The following ATF3 variants were observed in gnomAD, a reference collection of about 807,000 sequenced individuals.
ATF3 encodes the protein cyclic AMP-dependent transcription factor ATF-3.
ATF3 carries 10 observed loss-of-function variants against 18.4 expected under a neutral mutation model. The observed-to-expected ratio is 0.54, with a 90% CI of 0.34 to 0.92. The LOEUF is 0.92. Among genes scored for constraint, ATF3 ranks in the 40% least tolerant of loss-of-function variants. ATF3 has a pLI of 0.02. For missense variants in ATF3, 183 were observed against 222.3 expected (o/e 0.82, Z 1.12); for synonymous variants, 78 against 87.9 (o/e 0.89, Z 0.63).
rs144062330 is a variant in ATF3 at position 212,585,878 on chromosome 1, T to C, written c.-5+20395T>C. On this transcript the variant is annotated intron_variant, in intron 1 of 3. Transcript: ENST00000366981. ...GAGGCACCTGCTCCATGGTTGTTGC[T>C]CTTTGTCCACAGTGGCTTTGTTGAG... Among the ~76,000 whole-genome samples, 6 of 152,264 alleles carry C rather than the reference T, an allele frequency of 3.9e-5. No individual in the cohort carries two copies. In the East Asian group the frequency reaches 1.2e-3, roughly 29 times the overall value.
intron 1 of ATF3, among the ~76,000 whole-genome samples, chr1:212,568,103 T>A (rs889195182): frequency 6.6e-6 from 1 of 152,226 alleles, no homozygotes; most frequent in Non-Finnish European, 1.5e-5. Context: ...ATTTGCAGAA[T>A]TAATGAATGA....
chr1:212,587,948 C>T (rs1207474392), intron 1 of ATF3, among the ~76,000 whole-genome samples: 11 of 50,748 alleles, frequency 2.2e-4, no homozygotes, highest in Admixed American at 8.3e-4. Context: ...CCTGCTGGGG[C>T]GGCGGGGGTG....
chr1:212,588,913 T>C (rs1664830096), intron 1 of ATF3, among the ~76,000 whole-genome samples: 1 of 152,256 alleles, frequency 6.6e-6, no homozygotes, highest in African/African-American at 2.4e-5. Context: ...TACTTGGCAA[T>C]AACTTCCTTT....
chr1:212,571,560 C>T (rs1243652458), intron 1 of ATF3, among the ~76,000 whole-genome samples: 4 of 151,018 alleles, frequency 2.6e-5, no homozygotes, highest in Non-Finnish European at 5.9e-5. Flanking sequence ...GCCACCACCA[C>T]GCCTGGCTAG....
chr1:212,609,177 G>A (rs527813763), intron 1 of ATF3, among the ~76,000 whole-genome samples: 4 of 152,384 alleles, frequency 2.6e-5, no homozygotes, highest in Non-Finnish European at 5.9e-5. Flanking sequence ...AAAGGTTCCT[G>A]GTGACGGAGG....
At chr1:212,577,323 G>A (rs564184299) in intron 1 of ATF3, among the ~76,000 whole-genome samples, 1 of 152,006 alleles carries the variant, frequency 6.6e-6, no homozygotes, top group African/African-American at 2.4e-5. Flanking sequence ...TGTTCAATGT[G>A]ATTTTTAAAG....
intron 1 of ATF3, among the ~76,000 whole-genome samples, chr1:212,598,416 C>T (rs936357449): frequency 6.6e-6 from 1 of 152,168 alleles, no homozygotes; most frequent in Non-Finnish European, 1.5e-5. Flanking sequence ...ATAATCACAT[C>T]TTGGGAAATG....
chr1:212,581,555 G>T (rs1281519251), intron 1 of ATF3, among the ~76,000 whole-genome samples: 2 of 152,122 alleles, frequency 1.3e-5, no homozygotes, highest in South Asian at 4.1e-4. Flanking sequence ...ACTGTTTGTG[G>T]TTCCTTAGAC....
chr1:212,609,622 G>C (rs1261234823), intron 1 of ATF3, among the ~76,000 whole-genome samples: 2 of 152,328 alleles, frequency 1.3e-5, no homozygotes, highest in Non-Finnish European at 2.9e-5. Flanking sequence ...GGCGGAAGAC[G>C]GGGAGGGCTC....
At chr1:212,600,283 C>T (rs1654443656) in intron 1 of ATF3, among the ~76,000 whole-genome samples, 1 of 152,224 alleles carries the variant, frequency 6.6e-6, no homozygotes, top group Non-Finnish European at 1.5e-5. Flanking sequence ...CAGACCCCCT[C>T]CCTTTGTCCC....
chr1:212,607,308 C>T (rs1285102833), upstream of ATF3, among the ~76,000 whole-genome samples: 2 of 152,216 alleles, frequency 1.3e-5, no homozygotes, highest in Non-Finnish European at 2.9e-5. Flanking sequence ...TGTTTCTGCC[C>T]TTCACCGTGC....
At chr1:212,610,438 A>G (rs1321620713) in intron 1 of ATF3, among the ~76,000 whole-genome samples, 1 of 152,192 alleles carries the variant, frequency 6.6e-6, no homozygotes, top group African/African-American at 2.4e-5. Context: ...GTTGTAGAAT[A>G]ATGCTACAAC....
chr1:212,609,345 A>T (rs2102648786), intron 1 of ATF3, among the ~76,000 whole-genome samples: 1 of 114,308 alleles, frequency 8.7e-6, no homozygotes, highest in South Asian at 3.1e-4. Context: ...GCTTCGAGAC[A>T]CGGCACTGTG....
At chr1:212,592,161 C>T (rs985488482) in intron 1 of ATF3, among the ~76,000 whole-genome samples, 6 of 139,586 alleles carry the variant, frequency 4.3e-5, no homozygotes, top group African/African-American at 1.7e-4. Context: ...CTCATTTCTC[C>T]CTCAACCTAG....
upstream of ATF3, among the ~76,000 whole-genome samples, chr1:212,608,387 T>C (rs1461934976): frequency 6.6e-6 from 1 of 151,414 alleles, no homozygotes; most frequent in African/African-American, 2.4e-5. Context: ...GGTGGAGTCA[T>C]GCCGCTGGCT....
At chr1:212,572,456 T>C (rs1373439516) in intron 1 of ATF3, among the ~76,000 whole-genome samples, 2 of 152,052 alleles carry the variant, frequency 1.3e-5, no homozygotes, top group Non-Finnish European at 2.9e-5. Context: ...GAGGCGGAGG[T>C]TGCAGTGAGC....
At chr1:212,575,001 G>A (rs1201204731) in intron 1 of ATF3, among the ~76,000 whole-genome samples, 1 of 148,640 alleles carries the variant, frequency 6.7e-6, no homozygotes, top group Non-Finnish European at 1.5e-5. Flanking sequence ...AGCTTCTTAA[G>A]AATTGTGCAC....
At chr1:212,568,208 A>T (rs1664417446) in intron 1 of ATF3, among the ~76,000 whole-genome samples, 2 of 152,150 alleles carry the variant, frequency 1.3e-5, no homozygotes, top group African/African-American at 4.8e-5. Flanking sequence ...TAATTTTTTT[A>T]ATGTGTTAAG....
At chr1:212,600,371 G>A (rs560663212) in intron 1 of ATF3, among the ~76,000 whole-genome samples, 9 of 152,174 alleles carry the variant, frequency 5.9e-5, no homozygotes, top group Non-Finnish European at 1.0e-4. Flanking sequence ...CTTCCCTAAC[G>A]TCTCCTCCCT....
Sources: allele counts gnomAD v4.1 joint callset (sites outside exome capture counted in the v4.1 genomes callset), GRCh38; gene constraint gnomAD v4.1.1; transcripts MANE v1.5; gene names NCBI Gene and HGNC (gene_info 2026-07-23, HGNC 2026-07-21).